HEATR5A: variants seen among roughly 807,000 people sequenced by gnomAD.
The protein encoded by HEATR5A is HEAT repeat containing 5A.
A neutral mutation model predicts 218.8 loss-of-function variants in HEATR5A; 178 were observed. The observed-to-expected ratio is 0.81, with a 90% CI of 0.72 to 0.92. The LOEUF (loss-of-function observed/expected upper bound fraction) is 0.92. Among genes scored for constraint, HEATR5A ranks in the 40% least tolerant of loss-of-function variants. HEATR5A has a pLI of 0.00. For synonymous variants in HEATR5A, 864 were observed against 871.6 expected (o/e 0.99, Z 0.15); for missense variants, 2,420 against 2,418.9 (o/e 1.00, Z -0.01).
chr14:31,333,327 C>G (rs891499011), intron 22 of HEATR5A, among the ~76,000 whole-genome samples: 4 of 152,070 alleles, frequency 2.6e-5, no homozygotes, highest in African/African-American at 9.7e-5. Context: ...TGGCTCACTG[C>G]AACCTCTGCC....
At chr14:31,337,687 C>T in intron 21 of HEATR5A, 73 bp from the exon 22 acceptor site, 1 of 1,314,548 alleles carries the variant, frequency 7.6e-7, no homozygotes, top group Non-Finnish European at 1.1e-6. Context: ...TAGATATTCA[C>T]TGGACCCCTT....
chr14:31,412,389 T>C (rs891980124), intron 1 of HEATR5A, among the ~76,000 whole-genome samples: 2 of 150,694 alleles, frequency 1.3e-5, no homozygotes, highest in Non-Finnish European at 3.0e-5. Flanking sequence ...GAGGTCAAGA[T>C]TGAGCTCATC....
At chr14:31,362,802 TC>T (rs1349178555) in intron 14 of HEATR5A, among the ~76,000 whole-genome samples, 2 of 151,212 alleles carry the variant, frequency 1.3e-5, no homozygotes, top group African/African-American at 2.4e-5. Flanking sequence ...AAAAAAGACT[TC>T]CATTATTTAT....
Position 31,388,990 on chromosome 14 carries a change from C to CT in HEATR5A, c.787dup (p.Ser263LysfsTer41). 6.2e-7 allele frequency: 1 copy of CT among 1,611,898 alleles called. No individual in the cohort carries two copies. The highest frequency in any genetic ancestry group is 8.5e-7 in the Non-Finnish European group (1 of 1,178,820). ...TTCCTCCAAAGATACTCTGCGAATG[C>CT]TTTGACGTGAGGCTGCTATGACAAA... is the stretch of plus-strand genomic sequence containing the variant. On this transcript the variant is annotated frameshift_variant, in exon 7 of 36. Transcript: ENST00000543095. LOFTEE classifies it high-confidence loss of function.
rs1312873395 is a variant in HEATR5A at position 31,402,947 on chromosome 14, T to C, written c.29A>G (p.Asn10Ser). ...ACCTAGTTGATTGTATGCTTCTTCA[T>C]TCAGCAGTAAGCTATGAGCTAATTC... MELAHSLLL[N>S]EEAYNQLGEV... The change falls in exon 2 of 36, where the codon AAT (asparagine) becomes AGT (serine). Residue 10 changes from asparagine to serine, a missense_variant. Physicochemically the swap from Asn to Ser is conservative, Grantham distance 46. Coordinates refer to ENST00000543095, the MANE Select transcript of HEATR5A (RefSeq NM_015473.4). The C allele has an allele frequency of 3.3e-6, 5 of 1,536,160 alleles. No homozygotes were observed. Among genetic ancestry groups the C allele is most frequent in the South Asian group, 2.4e-5 (2 of 84,058 alleles).
At chr14:31,348,046 T>C in intron 18 of HEATR5A, 139 bp from the exon 19 acceptor site, 1 of 479,000 alleles carries the variant, frequency 2.1e-6, no homozygotes, top group Non-Finnish European at 3.6e-6. Context: ...TTTGGCTAAC[T>C]AATAAAAACT....
chr14:31,350,939 G>A (rs933461204), intron 16 of HEATR5A, among the ~76,000 whole-genome samples: 1 of 152,030 alleles, frequency 6.6e-6, no homozygotes, highest in African/African-American at 2.4e-5. Flanking sequence ...CACCACACCC[G>A]GTTAATTTTT....
intron 16 of HEATR5A, among the ~76,000 whole-genome samples, chr14:31,354,237 T>C (rs1289972834): frequency 6.6e-6 from 1 of 152,160 alleles, no homozygotes; most frequent in East Asian, 1.9e-4. Context: ...ATAACGTCAT[T>C]ATTAGATCAT....
intron 22 of HEATR5A, among the ~76,000 whole-genome samples, chr14:31,334,868 C>T (rs1275068326): frequency 6.6e-6 from 1 of 150,738 alleles, no homozygotes; most frequent in African/African-American, 2.4e-5. Flanking sequence ...ATGGCGGAAA[C>T]CCGGGAGGCG....
chr14:31,383,413 G>A (rs1217182567), intron 10 of HEATR5A, 108 bp downstream of exon 10: 2 of 1,040,298 alleles, frequency 1.9e-6, no homozygotes, highest in Non-Finnish European at 2.8e-6. Context: ...ATATGGCAGG[G>A]CTAGATGTAC....
In HEATR5A at chr14:31,326,210, A is replaced by C; in HGVS notation, c.3500T>G (p.Leu1167Arg). ...YMLTSMAVEK[L>R]SLWLKLCKDV... ...TTTACAAAGCTTTAACCACAGGGAG[A>C]GTTTTTCCACTGCCATAGATGTAAG... The change falls in exon 23 of 36, where the codon CTC (leucine) becomes CGC (arginine). Residue 1167 changes from leucine to arginine, a missense_variant. Transcript: ENST00000543095. The C allele has an allele frequency of 6.2e-7, 1 of 1,613,386 alleles. No homozygotes were observed. Among genetic ancestry groups the C allele is most frequent in the Non-Finnish European group, 8.5e-7 (1 of 1,179,472 alleles).
chr14:31,390,310 G>A (rs527381894), intron 6 of HEATR5A, among the ~76,000 whole-genome samples: 9 of 152,146 alleles, frequency 5.9e-5, no homozygotes, highest in African/African-American at 1.7e-4. Flanking sequence ...GTGAGCAGAC[G>A]AGTGATATAA....
chr14:31,348,160 T>C (rs564835991), intron 18 of HEATR5A, among the ~76,000 whole-genome samples: 1 of 152,330 alleles, frequency 6.6e-6, no homozygotes, highest in Non-Finnish European at 1.5e-5. Context: ...ATGTCTTTCA[T>C]ATATATACAT....
At chr14:31,336,100 T>G (rs1267003751) in intron 22 of HEATR5A, among the ~76,000 whole-genome samples, 2 of 150,746 alleles carry the variant, frequency 1.3e-5, no homozygotes, top group African/African-American at 2.4e-5. Flanking sequence ...GCCTCCTGAT[T>G]AATTAGTAGC....
At chr14:31,390,726 A>G (rs888861572) in intron 6 of HEATR5A, among the ~76,000 whole-genome samples, 1 of 152,190 alleles carries the variant, frequency 6.6e-6, no homozygotes, top group Non-Finnish European at 1.5e-5. Context: ...ACCCTACTAC[A>G]CTGCCAGTCA....
At chr14:31,364,454 C>G (rs545511697) in intron 13 of HEATR5A, among the ~76,000 whole-genome samples, 156 bp from the exon 14 acceptor site, 5 of 152,320 alleles carry the variant, frequency 3.3e-5, no homozygotes, top group African/African-American at 1.2e-4. Context: ...GGGTCCAGCT[C>G]TGTAGCCCAG....
chr14:31,310,152 T>A (rs1362915751), intron 28 of HEATR5A, among the ~76,000 whole-genome samples: 1 of 133,976 alleles, frequency 7.5e-6, no homozygotes, highest in East Asian at 1.9e-4. Context: ...ACATACGCTA[T>A]TTTTTTTTGT....
At chr14:31,367,569 A>ATT (rs567217496) in intron 13 of HEATR5A, among the ~76,000 whole-genome samples, 8,159 of 60,320 alleles carry the variant, frequency 0.14, 1,857 homozygotes, top group South Asian at 0.36. Context: ...TGCCCAGCTA[A>ATT]TTTTTTTTTT....
Position 31,326,158 on chromosome 14 carries a change from C to A in HEATR5A, c.3547+5G>T. The A allele has an allele frequency of 1.9e-6, 3 of 1,608,200 alleles. No homozygotes were observed. Among genetic ancestry groups the A allele is most frequent in the Non-Finnish European group, 2.6e-6 (3 of 1,174,852 alleles). On this transcript the variant is annotated splice_donor_5th_base_variant and intron_variant, in intron 23 of 35. Transcript: ENST00000543095. ...TTATTTTAACTGATAATGTCCAATA[C>A]TTACCAGCTGATGCAGCAAGTACAT...
Sources: allele counts gnomAD v4.1 joint callset (sites outside exome capture counted in the v4.1 genomes callset), GRCh38; gene constraint gnomAD v4.1.1; transcripts MANE v1.5; gene names NCBI Gene and HGNC (gene_info 2026-07-23, HGNC 2026-07-21).